TTC7A: variants seen among roughly 807,000 people sequenced by gnomAD.
TTC7A encodes tetratricopeptide repeat domain 7A.
TTC7A carries 110 observed loss-of-function variants against 103.7 expected under a neutral mutation model. The ratio of observed to expected loss-of-function variants is 1.06; its 90% CI spans 0.91 to 1.24. The LOEUF is 1.24. TTC7A is among the 50% of genes most tolerant of loss of function. The pLI, the probability that TTC7A is intolerant of heterozygous loss-of-function variation, is 0.00. For missense variants in TTC7A, 1,340 were observed against 1,116.3 expected (o/e 1.20, Z -2.86); for synonymous variants, 521 against 467.9 (o/e 1.11, Z -1.47).
intron 5 of TTC7A, among the ~76,000 whole-genome samples, chr2:46,979,416 C>T (rs931912810): frequency 6.6e-6 from 1 of 152,114 alleles, no homozygotes; most frequent in East Asian, 1.9e-4. Context: ...TCTGGCGTCA[C>T]GCTGGGGCTG....
At chr2:47,067,316 C>T (rs186991874) in intron 19 of TTC7A, among the ~76,000 whole-genome samples, 9 of 152,332 alleles carry the variant, frequency 5.9e-5, no homozygotes, top group African/African-American at 1.2e-4. Context: ...GATAAGTCAA[C>T]GTTGGGCATT....
At chr2:46,941,108 C>T (rs1277482519), upstream of TTC7A, 1 of 148,506 alleles carries the variant, frequency 6.7e-6, no homozygotes, top group Non-Finnish European at 1.5e-5. The surrounding 1 kb of genome is among the most constrained non-coding windows in gnomAD (Gnocchi z 4.2). Flanking sequence ...GCTGCTGTGG[C>T]CGCGCTGGCA....
chr2:46,969,826 G>T (rs1572761809), intron 3 of TTC7A, among the ~76,000 whole-genome samples: 1 of 152,308 alleles, frequency 6.6e-6, no homozygotes, highest in African/African-American at 2.4e-5. Context: ...CCTAGGCCCT[G>T]GCCATCACTG....
At chr2:46,953,657 C>A (rs866058776) in intron 2 of TTC7A, among the ~76,000 whole-genome samples, 3 of 152,228 alleles carry the variant, frequency 2.0e-5, no homozygotes, top group Middle Eastern at 3.4e-3. Context: ...CTCTCTAAGA[C>A]CCCGTCCAGC....
At chr2:46,966,682 G>A (rs1313840738) in intron 3 of TTC7A, among the ~76,000 whole-genome samples, 1 of 147,204 alleles carries the variant, frequency 6.8e-6, no homozygotes, top group Non-Finnish European at 1.5e-5. Context: ...TTTTGGTGGA[G>A]ATGGGGTCTA....
intron 19 of TTC7A, among the ~76,000 whole-genome samples, chr2:47,070,319 T>A (rs1684565640): frequency 6.6e-6 from 1 of 152,234 alleles, no homozygotes; most frequent in Admixed American, 6.5e-5. Context: ...CTTAGGCCCC[T>A]TAGGTTCTGC....
intron 18 of TTC7A, among the ~76,000 whole-genome samples, chr2:47,052,556 C>T (rs1558631856): frequency 6.6e-6 from 1 of 152,160 alleles, no homozygotes; most frequent in South Asian, 2.1e-4. Context: ...CCACGGACAG[C>T]GAGTGTCTTA....
intron 16 of TTC7A, 136 bp downstream of exon 16, chr2:47,046,567 C>T: frequency 1.5e-6 from 1 of 683,006 alleles, no homozygotes. Flanking sequence ...ACTTCCTGCC[C>T]ACAGAGCTTT....
intron 5 of TTC7A, among the ~76,000 whole-genome samples, chr2:46,979,533 A>C (rs1674228341): frequency 6.6e-6 from 1 of 152,118 alleles, no homozygotes; most frequent in Non-Finnish European, 1.5e-5. Context: ...TAGTGCCTGG[A>C]ATGCCTTCCG....
intron 18 of TTC7A, among the ~76,000 whole-genome samples, chr2:47,052,284 G>T (rs1444637386): frequency 6.6e-6 from 1 of 152,222 alleles, no homozygotes; most frequent in African/African-American, 2.4e-5. Context: ...CCATTCAGGT[G>T]ACAGTCCCTC....
chr2:46,955,490 C>T (rs1183205908), intron 2 of TTC7A, among the ~76,000 whole-genome samples: 2 of 152,156 alleles, frequency 1.3e-5, no homozygotes, highest in South Asian at 4.2e-4. Flanking sequence ...CTGAAGGGAG[C>T]TCCCTGGTAG....
chr2:47,015,447 G>T (rs987286282), intron 11 of TTC7A, among the ~76,000 whole-genome samples: 1 of 152,222 alleles, frequency 6.6e-6, no homozygotes, highest in Non-Finnish European at 1.5e-5. Context: ...GCAGCAGGGG[G>T]TAGTGGAAAA....
intron 1 of TTC7A, among the ~76,000 whole-genome samples, chr2:46,943,247 G>A (rs965239168): frequency 6.6e-6 from 1 of 152,106 alleles, no homozygotes; most frequent in African/African-American, 2.4e-5. Context: ...CTATTAGGAG[G>A]GCAGGAGTTA....
chr2:47,054,250 C>G, intron 18 of TTC7A: 13 of 781,862 alleles, frequency 1.7e-5, no homozygotes, highest in Non-Finnish European at 1.9e-5. Context: ...ATTTCTTTCT[C>G]ATGTAACAGT....
intron 3 of TTC7A, among the ~76,000 whole-genome samples, chr2:46,969,399 C>T (rs866452054): frequency 5.9e-5 from 9 of 151,848 alleles, no homozygotes; most frequent in African/African-American, 2.2e-4. Flanking sequence ...CCCAGCTACT[C>T]GGGAGGCTGA....
At chr2:47,020,393 G>T (rs1025800867) in intron 11 of TTC7A, among the ~76,000 whole-genome samples, 1 of 152,214 alleles carries the variant, frequency 6.6e-6, no homozygotes, top group Non-Finnish European at 1.5e-5. Context: ...CCACCTGGCC[G>T]GCTGAGGCTG....
chr2:46,986,927 G>A (rs1675073350), intron 5 of TTC7A, among the ~76,000 whole-genome samples: 1 of 152,194 alleles, frequency 6.6e-6, no homozygotes, highest in East Asian at 1.9e-4. Flanking sequence ...CTCTGGCTAA[G>A]CCTGAGACTG....
intron 3 of TTC7A, 61 bp from the exon 4 acceptor site, chr2:46,974,912 G>T: frequency 6.3e-7 from 1 of 1,589,250 alleles, no homozygotes; most frequent in Non-Finnish European, 8.6e-7. Context: ...GGCCCATGGG[G>T]AGGGCCTGGA....
chr2:46,980,158 G>C, intron 5 of TTC7A, among the ~76,000 whole-genome samples: 1 of 150,420 alleles, frequency 6.6e-6, no homozygotes. Context: ...GTTGCATATG[G>C]TACTTGTTTA....
Sources: allele counts gnomAD v4.1 joint callset (sites outside exome capture counted in the v4.1 genomes callset), GRCh38; gene constraint gnomAD v4.1.1; non-coding constraint Gnocchi (gnomAD v3.1); transcripts MANE v1.5; gene names NCBI Gene and HGNC (gene_info 2026-07-23, HGNC 2026-07-21).